The following LRGUK variants were observed in gnomAD, a reference collection of about 807,000 sequenced individuals.
The protein encoded by LRGUK is leucine rich repeats and guanylate kinase domain containing, also known as leucine-rich repeat and guanylate kinase domain-containing protein.
In LRGUK, 65 loss-of-function variants were observed where a neutral mutation model predicts 76.0. That is an observed-to-expected ratio of 0.85 (90% confidence interval 0.70 to 1.05). The LOEUF (loss-of-function observed/expected upper bound fraction) is 1.05, where lower values mean the gene tolerates loss of function less well. Among genes scored for constraint, LRGUK ranks in the 50% least tolerant of loss-of-function variants. LRGUK has a pLI of 0.00. For missense variants in LRGUK, 758 were observed against 732.8 expected, an observed-to-expected ratio of 1.03 and a Z score of -0.40; for synonymous variants, 268 against 265.6, an observed-to-expected ratio of 1.01 and a Z score of -0.09.
At chr7:134,261,135 T>C (rs1435678649) in intron 19 of LRGUK, among the ~76,000 whole-genome samples, 1 of 152,130 alleles carries the variant, frequency 6.6e-6, no homozygotes, top group Non-Finnish European at 1.5e-5. Context: ...CACGGGACAA[T>C]AAGGGTCTGG....
At chr7:134,200,572 T>C (rs931150846) in intron 14 of LRGUK, among the ~76,000 whole-genome samples, 1 of 152,032 alleles carries the variant, frequency 6.6e-6, no homozygotes. Context: ...GATTACCTCT[T>C]AGGGGGAAGG....
chr7:134,227,366 G>A (rs1426722108), intron 16 of LRGUK, among the ~76,000 whole-genome samples: 1 of 152,164 alleles, frequency 6.6e-6, no homozygotes, highest in South Asian at 2.1e-4. Context: ...CTTCATAGGA[G>A]CCACAGTTAA....
chr7:134,251,356 G>A (rs1802441051), intron 18 of LRGUK, among the ~76,000 whole-genome samples: 1 of 152,144 alleles, frequency 6.6e-6, no homozygotes, highest in Non-Finnish European at 1.5e-5. Flanking sequence ...ACCAAAGCTT[G>A]CCAGCAAACC....
chr7:134,252,586 A>G (rs191320674), intron 18 of LRGUK, among the ~76,000 whole-genome samples: 2 of 152,260 alleles, frequency 1.3e-5, no homozygotes, highest in Admixed American at 6.5e-5. Flanking sequence ...GAATACCTCT[A>G]TCTGGGAATG....
At chr7:134,173,362 T>G (rs1436509383) in intron 7 of LRGUK, among the ~76,000 whole-genome samples, 1 of 152,238 alleles carries the variant, frequency 6.6e-6, no homozygotes, top group African/African-American at 2.4e-5. Context: ...GTTGGATAAC[T>G]CAGGAGTTTT....
At position 134,192,764 on chromosome 7, in the gene LRGUK, A is replaced by G. The variant is rs114093446; in HGVS notation, c.1431+1013A>G. Among the ~76,000 whole-genome samples the G allele has an allele frequency of 1.8e-3, 270 of 152,082 alleles. 3 individuals are homozygous for G. The highest frequency in any genetic ancestry group is 6.0e-3 in the African/African-American group (249 of 41,494). On this transcript the variant is annotated intron_variant, in intron 12 of 15. Transcript: ENST00000645682. Reference sequence around the variant, plus strand: ...TTCTCCATGGCCCTTATTTTTGTTTATATCTTCATTGTTTCTATCACCAAG... The same window carrying G: ...TTCTCCATGGCCCTTATTTTTGTTTGTATCTTCATTGTTTCTATCACCAAG...
At chr7:134,221,724 T>G (rs1199054615) in intron 15 of LRGUK, 55 bp from the exon 16 acceptor site, 6 of 1,358,082 alleles carry the variant, frequency 4.4e-6, no homozygotes, top group Non-Finnish European at 5.8e-6. Flanking sequence ...TTTCTATCAC[T>G]TCAGAAATTT....
In LRGUK at chr7:134,189,976, A is replaced by G. The variant is rs144273519; in HGVS notation, c.1335-1679A>G. The stretch of plus-strand genomic sequence containing the variant: ...AACATTTATTTGTCTTTGACTTTGC[A>G]ACGAAGAGCCTTTCGAGGTTGGAAC... On this transcript the variant is annotated intron_variant, in intron 11 of 15. Coordinates refer to ENST00000645682, the Ensembl canonical transcript of LRGUK. Among the ~76,000 whole-genome samples, 26 of 152,332 alleles carry G rather than the reference A, an allele frequency of 1.7e-4. No individual in the cohort carries two copies. The East Asian group carries it at 5.0e-3, about 29-fold the overall frequency.
intron 16 of LRGUK, among the ~76,000 whole-genome samples, chr7:134,237,058 T>TC (rs1468508363): frequency 1.8e-4 from 25 of 142,740 alleles, no homozygotes; most frequent in African/African-American, 5.7e-4. Context: ...TTCTTTTTTT[T>TC]TTTTTTTTTT....
At chr7:134,200,251 G>C (rs1800712047) in intron 14 of LRGUK, among the ~76,000 whole-genome samples, 1 of 151,270 alleles carries the variant, frequency 6.6e-6, no homozygotes, top group South Asian at 2.1e-4. Flanking sequence ...TGTCCAGGCT[G>C]GTCTCAAACT....
intron 11 of LRGUK, among the ~76,000 whole-genome samples, chr7:134,184,443 G>A (rs1014971189): frequency 1.6e-4 from 25 of 151,588 alleles, no homozygotes; most frequent in African/African-American, 5.6e-4. Flanking sequence ...CTAATTTTTT[G>A]TATTACTAGT....
At chr7:134,260,714 C>T (rs968402626) in intron 19 of LRGUK, among the ~76,000 whole-genome samples, 2 of 152,108 alleles carry the variant, frequency 1.3e-5, no homozygotes, top group Admixed American at 1.3e-4. Context: ...CTATCGTATC[C>T]CTCAATTAGT....
chr7:134,227,229 G>A (rs1337347549), intron 16 of LRGUK, among the ~76,000 whole-genome samples: 1 of 152,126 alleles, frequency 6.6e-6, no homozygotes, highest in Non-Finnish European at 1.5e-5. Context: ...GAGTCTTGTG[G>A]AACTAGGACA....
chr7:134,247,431 C>T, intron 16 of LRGUK, 125 bp from the exon 17 acceptor site: 1 of 573,366 alleles, frequency 1.7e-6, no homozygotes, highest in African/African-American at 1.9e-5. Context: ...GTTTTTTATG[C>T]CTTTTCCCCC....
the LRGUK span, among the ~76,000 whole-genome samples, chr7:134,272,578 G>A: frequency 2.6e-5 from 4 of 152,132 alleles, no homozygotes; most frequent in Non-Finnish European, 5.9e-5. Context: ...ATCATTAAAT[G>A]ATACATAAAA....
rs576940713 is a variant in LRGUK at position 134,194,446 on chromosome 7, A to G, written c.1432-2546A>G. On this transcript the variant is annotated intron_variant, in intron 12 of 15. Transcript: ENST00000645682. ...GAGAAACAGAATCAATAGGATGTGT[A>G]TATGTATAGCAAGAGATTTAGGGTT... Among the ~76,000 whole-genome samples the G allele has an allele frequency of 2.0e-4, 30 of 152,320 alleles. 1 individual carries two copies. In the South Asian group the frequency reaches 4.4e-3, roughly 22 times the overall value.
intron 6 of LRGUK, among the ~76,000 whole-genome samples, chr7:134,161,688 CTTTTTTTTT>C (rs57550981): frequency 9.5e-6 from 1 of 105,460 alleles, no homozygotes; most frequent in Admixed American, 1.0e-4. Context: ...TATTGTTATT[CTTTTTTTTT>C]TTTTTTTTTT....
intron 1 of LRGUK, among the ~76,000 whole-genome samples, chr7:134,136,086 C>G (rs1425244286): frequency 6.6e-6 from 1 of 152,116 alleles, no homozygotes; most frequent in Non-Finnish European, 1.5e-5. Flanking sequence ...TATCTATATG[C>G]TAGTCATGGC....
chr7:134,142,107 C>T (rs73437216), intron 3 of LRGUK, among the ~76,000 whole-genome samples: 19,675 of 152,104 alleles, frequency 0.13, 1,594 homozygotes, highest in East Asian at 0.32. Context: ...AGAAGCACTT[C>T]GCTTGGCTTC....
Sources: gnomAD v4.1 joint callset for allele counts (sites outside exome capture counted in the v4.1 genomes callset) on GRCh38, gnomAD v4.1.1 for gene constraint, MANE v1.5 for transcripts, NCBI Gene and HGNC (gene_info 2026-07-23, HGNC 2026-07-21) for gene names.